The following ARMC3 variants were observed in gnomAD, a reference collection of about 807,000 sequenced individuals.
The protein encoded by ARMC3 is armadillo repeat containing 3.
ARMC3 carries 74 observed loss-of-function variants against 90.3 expected under a neutral mutation model. The ratio of observed to expected loss-of-function variants is 0.82; its 90% CI spans 0.68 to 0.99. The LOEUF is 0.99. Ranked by LOEUF, ARMC3 falls within the 50% of genes least tolerant of loss-of-function variation. ARMC3 has a pLI of 0.00. For missense variants in ARMC3, 958 were observed against 1,042.8 expected (o/e 0.92, Z 1.12); for synonymous variants, 334 against 361.8 (o/e 0.92, Z 0.87).
intron 8 of ARMC3, among the ~76,000 whole-genome samples, chr10:22,979,446 T>A (rs1169244038): frequency 1.3e-5 from 2 of 152,214 alleles, no homozygotes; most frequent in Non-Finnish European, 2.9e-5. Context: ...TTGCCCTCAG[T>A]ATCTATTTAA....
chr10:22,973,223 C>T (rs1835751103), intron 8 of ARMC3, among the ~76,000 whole-genome samples: 1 of 151,432 alleles, frequency 6.6e-6, no homozygotes, highest in Non-Finnish European at 1.5e-5. Context: ...CACTTGAGCC[C>T]AGGAGTTTGA....
In ARMC3 at chr10:23,008,936, G is replaced by A. The variant is rs1837782715; in HGVS notation, c.2045+5G>A. 1 of 1,611,348 alleles carries A rather than the reference G, an allele frequency of 6.2e-7. No individual in the cohort carries two copies. Among genetic ancestry groups the A allele is most frequent in the South Asian group, 1.1e-5 (1 of 90,690 alleles). On this transcript the variant is annotated splice_donor_5th_base_variant and intron_variant, in intron 16 of 18. Coordinates refer to ENST00000298032, the MANE Select transcript of ARMC3 (RefSeq NM_173081.5). Reference sequence around the variant, plus strand: ...CACCAAAGAAAAAGGATGGAGGTAAGAAAGTGTCCTGAGTTCCTCATTACC... The same window carrying A: ...CACCAAAGAAAAAGGATGGAGGTAAAAAAGTGTCCTGAGTTCCTCATTACC...
intron 11 of ARMC3, among the ~76,000 whole-genome samples, chr10:22,998,636 C>A (rs928699904): frequency 1.3e-5 from 2 of 152,174 alleles, no homozygotes; most frequent in African/African-American, 4.8e-5. Flanking sequence ...GAATCTGTTG[C>A]CTCTGTGTAC....
At chr10:22,931,426 T>G (rs1379032831) in intron 1 of ARMC3, among the ~76,000 whole-genome samples, 1 of 152,232 alleles carries the variant, frequency 6.6e-6, no homozygotes, top group Non-Finnish European at 1.5e-5. Flanking sequence ...AAGAAAACTT[T>G]TTGTTATCCG....
At chr10:22,973,293 TTAATAATAA>T (rs148238155) in intron 8 of ARMC3, among the ~76,000 whole-genome samples, 19,661 of 140,800 alleles carry the variant, frequency 0.14, 1,481 homozygotes, top group Middle Eastern at 0.17. Context: ...AGCAAGACCC[TTAATAATAA>T]TAATAATAAT....
At chr10:22,997,137 A>T (rs1837008286) in intron 10 of ARMC3, 1 of 152,194 alleles carries the variant, frequency 6.6e-6, no homozygotes, top group Non-Finnish European at 1.5e-5. Flanking sequence ...TCTCCTATTT[A>T]TAGCAATTCC....
chr10:22,958,049 G>A (rs959943434), intron 4 of ARMC3, among the ~76,000 whole-genome samples: 8 of 152,052 alleles, frequency 5.3e-5, no homozygotes, highest in Non-Finnish European at 8.8e-5. Context: ...GTGACAGAGC[G>A]AAACCCTGTC....
chr10:22,948,710 A>T (rs1435394930), intron 3 of ARMC3, among the ~76,000 whole-genome samples: 1 of 152,130 alleles, frequency 6.6e-6, no homozygotes, highest in Admixed American at 6.5e-5. Flanking sequence ...TTGACTTTAG[A>T]GAGCTTTTTG....
chr10:22,973,753 C>CTTTTTTTTTTTTTTTTTTTTTTTTT (rs56405413), intron 8 of ARMC3, among the ~76,000 whole-genome samples: 12 of 79,924 alleles, frequency 1.5e-4, no homozygotes, highest in South Asian at 4.5e-4. Context: ...CTTTGTCTTT[C>CTTTTTTTTTTTTTTTTTTTTTTTTT]TTTTTTTTTT....
intron 13 of ARMC3, among the ~76,000 whole-genome samples, chr10:23,003,657 A>T (rs1837430866): frequency 6.6e-6 from 1 of 152,182 alleles, no homozygotes; most frequent in South Asian, 2.1e-4. Flanking sequence ...TAAGTTTCAG[A>T]TAAGATACAA....
intron 10 of ARMC3, among the ~76,000 whole-genome samples, chr10:22,990,262 C>G (rs1836644382): frequency 6.6e-6 from 1 of 151,858 alleles, no homozygotes; most frequent in South Asian, 2.1e-4. Context: ...CTTGATTTTT[C>G]TTCACACTGG....
At chr10:22,936,448 C>T (rs1484253277) in intron 2 of ARMC3, among the ~76,000 whole-genome samples, 1 of 152,182 alleles carries the variant, frequency 6.6e-6, no homozygotes, top group African/African-American at 2.4e-5. Flanking sequence ...CTATTCTAGA[C>T]AGTATTATTC....
chr10:22,952,973 A>G (rs1365646945), intron 3 of ARMC3, among the ~76,000 whole-genome samples: 10 of 152,248 alleles, frequency 6.6e-5, no homozygotes, highest in Admixed American at 5.2e-4. Context: ...AGTATGTTAC[A>G]TGACAAGGGA....
chr10:22,946,111 T>G (rs112647805), intron 2 of ARMC3, 33 bp from the exon 3 acceptor site: 7 of 1,422,174 alleles, frequency 4.9e-6, no homozygotes, highest in African/African-American at 4.3e-5. Flanking sequence ...AAAGCTCATA[T>G]GTGAAACTGA....
In ARMC3 at chr10:22,992,463, AT is replaced by A. The variant is rs991544338; in HGVS notation, c.1176-5678del. Among the ~76,000 whole-genome samples, 26 of 152,146 alleles carry A rather than the reference AT, an allele frequency of 1.7e-4. 1 individual carries two copies. The highest frequency in any genetic ancestry group is 1.0e-3 in the Admixed American group (16 of 15,288). On this transcript the variant is annotated intron_variant, in intron 10 of 18. Transcript: ENST00000298032. ...CTTATTTTGCTATAGATGCAAACAC[AT>A]TTTTTTCCCTGTGGCTAGGCTTTAC...
At chr10:23,023,288 A>C (rs965481537) in intron 16 of ARMC3, among the ~76,000 whole-genome samples, 3 of 152,186 alleles carry the variant, frequency 2.0e-5, no homozygotes, top group Non-Finnish European at 2.9e-5. Context: ...ACACTCACTG[A>C]AAGTCTCTGA....
In ARMC3 at chr10:23,008,293, T is replaced by C; in HGVS notation, c.1847T>C (p.Met616Thr). ...AATTTTAGTTCTCCACCTTCATCTA[T>C]GGAAGATAAATCAGATGTTGGTTAT... ...SKSYVSPPSS[M>T]EDKSDVGYGR... Residue 616 changes from methionine to threonine, a missense_variant, in exon 15 of 19, where the codon ATG (methionine) becomes ACG (threonine). Physicochemically the swap from Met to Thr is moderately conservative, Grantham distance 81. Coordinates refer to ENST00000298032, the MANE Select transcript of ARMC3 (RefSeq NM_173081.5). 2.0e-6 allele frequency: 3 copies of C among 1,537,320 alleles called. No homozygotes were observed. Among genetic ancestry groups the C allele is most frequent in the African/African-American group, 1.4e-5 (1 of 72,250 alleles).
chr10:22,955,443 A>T (rs1834894409), intron 3 of ARMC3: 1 of 172,624 alleles, frequency 5.8e-6, no homozygotes, highest in South Asian at 1.6e-4. Flanking sequence ...GTTATCGTGG[A>T]GTAGGCAAGC....
chr10:23,004,843 T>C (rs2131441096), intron 13 of ARMC3, among the ~76,000 whole-genome samples: 1 of 152,060 alleles, frequency 6.6e-6, no homozygotes, highest in South Asian at 2.1e-4. Flanking sequence ...ACTGAGAAAT[T>C]GCTCCCAGGA....
Sources: gnomAD v4.1 joint callset for allele counts (sites outside exome capture counted in the v4.1 genomes callset) on GRCh38, gnomAD v4.1.1 for gene constraint, MANE v1.5 for transcripts, NCBI Gene and HGNC (gene_info 2026-07-23, HGNC 2026-07-21) for gene names.